The following CLASP1 variants were observed in gnomAD, a reference collection of about 807,000 sequenced individuals.
The protein encoded by CLASP1 is CLIP-associating protein 1.
CLASP1 carries 38 observed loss-of-function variants against 192.3 expected under a neutral mutation model. The observed-to-expected ratio is 0.20, with a 90% CI of 0.15 to 0.26. CLASP1 has a LOEUF of 0.26. Among genes scored for constraint, CLASP1 ranks in the 10% least tolerant of loss-of-function variants. CLASP1 has a pLI of 1.00. For missense variants in CLASP1, 1,433 were observed against 1,932.5 expected (o/e 0.74, Z 4.85); for synonymous variants, 691 against 712.8 (o/e 0.97, Z 0.49).
chr2:121,549,895 A>G (rs2057862483), intron 2 of CLASP1, among the ~76,000 whole-genome samples: 1 of 151,028 alleles, frequency 6.6e-6, no homozygotes, highest in Non-Finnish European at 1.5e-5. Context: ...AGTCCCAGCT[A>G]CTCAGGAGGC....
At chr2:121,411,032 A>G in intron 23 of CLASP1, 63 bp from the exon 25 acceptor site, 1 of 1,040,976 alleles carries the variant, frequency 9.6e-7, no homozygotes, top group Non-Finnish European at 1.4e-6. Context: ...ATTCCTTGCA[A>G]GGACTACTGC....
chr2:121,605,206 A>G (rs1017391256), intron 2 of CLASP1, among the ~76,000 whole-genome samples: 2 of 149,080 alleles, frequency 1.3e-5, no homozygotes, highest in Non-Finnish European at 3.0e-5. Context: ...CATTACACAC[A>G]GGTCACAGAA....
chr2:121,605,485 G>C (rs930508724), intron 2 of CLASP1, among the ~76,000 whole-genome samples: 5 of 152,186 alleles, frequency 3.3e-5, no homozygotes, highest in African/African-American at 1.2e-4. Context: ...TTCTGTCAAA[G>C]TGCTAAAGGA....
intron 34 of CLASP1, among the ~76,000 whole-genome samples, chr2:121,369,479 C>T (rs1166689122): frequency 6.6e-6 from 1 of 151,488 alleles, no homozygotes; most frequent in Admixed American, 6.6e-5. Context: ...AAAGGTAAGC[C>T]ATTGAACAGG....
chr2:121,422,199 G>A (rs965736617), intron 22 of CLASP1, among the ~76,000 whole-genome samples: 1 of 151,974 alleles, frequency 6.6e-6, no homozygotes, highest in African/African-American at 2.4e-5. Context: ...GGTCCAACCA[G>A]GACTCATAAA....
rs558918643 is a variant in CLASP1 at position 121,477,469 on chromosome 2, CAT to C, written c.713-7511_713-7510del. Among the ~76,000 whole-genome samples, 51 of 152,262 alleles carry C rather than the reference CAT, an allele frequency of 3.3e-4. No individual in the cohort carries two copies. The South Asian group carries it at 0.01, about 31-fold the overall frequency. ...TGTATATCCTTCTTTCCTGATAAAACATATACCTATTTTAAAATTAAGTCATA... is the reference window on the plus strand; with the variant it reads ...TGTATATCCTTCTTTCCTGATAAAACATACCTATTTTAAAATTAAGTCATA... On this transcript the variant is annotated intron_variant, in intron 8 of 39. Coordinates refer to ENST00000263710, the Ensembl canonical transcript of CLASP1.
In CLASP1 at chr2:121,542,228, C is replaced by T. The variant is rs1339726371; in HGVS notation, c.196-11903G>A. Reference sequence around the variant, plus strand: ...TACACAAAACGATGATGGATGCACACTTCTACATATGTGCTCTCATCCTCT... The same window carrying T: ...TACACAAAACGATGATGGATGCACATTTCTACATATGTGCTCTCATCCTCT... On this transcript the variant is annotated intron_variant, in intron 2 of 39. Transcript: ENST00000263710. Among the ~76,000 whole-genome samples, 4 of 152,212 alleles carry T rather than the reference C, an allele frequency of 2.6e-5. 1 individual carries two copies. The highest frequency in any genetic ancestry group is 1.3e-4 in the Admixed American group (2 of 15,282).
chr2:121,531,128 A>T (rs1217581999), intron 2 of CLASP1: 14 of 620,556 alleles, frequency 2.3e-5, no homozygotes, highest in Middle Eastern at 4.3e-4. Context: ...TCGCAAGTAA[A>T]GTTCTTTCAG....
At chr2:121,381,098 C>T (rs2071528734) in intron 33 of CLASP1, among the ~76,000 whole-genome samples, 1 of 152,152 alleles carries the variant, frequency 6.6e-6, no homozygotes, top group Non-Finnish European at 1.5e-5. Flanking sequence ...TTGCCCTAAC[C>T]TTGTGTATCT....
In CLASP1 at chr2:121,394,994, G is replaced by A. The variant is rs142374553; in HGVS notation, c.3123+2146C>T. ...ATATTATTTCTTCATGTATTCTCCC[G>A]ATAGCTTTGAACAAGCAAACTTCCT... On this transcript the variant is annotated intron_variant, in intron 30 of 39. Coordinates refer to ENST00000263710, the Ensembl canonical transcript of CLASP1. 7.4e-4 allele frequency among the ~76,000 whole-genome samples: 113 copies of A among 152,078 alleles called. No individual in the cohort carries two copies. The East Asian group carries it at 0.013, about 17-fold the overall frequency.
intron 16 of CLASP1, among the ~76,000 whole-genome samples, chr2:121,450,567 T>C (rs2085274165): frequency 6.6e-6 from 1 of 152,160 alleles, no homozygotes; most frequent in Non-Finnish European, 1.5e-5. Flanking sequence ...GTGACCAAGA[T>C]TTTTCATGGT....
chr2:121,528,600 AAGT>A, intron 4 of CLASP1, 74 bp downstream of exon 4: 1 of 1,081,260 alleles, frequency 9.2e-7, no homozygotes. Flanking sequence ...CCATTTGTGC[AAGT>A]ACACACACAC....
rs116840031 is a variant in CLASP1 at position 121,463,717 on chromosome 2, G to A, written c.866-1112C>T. Among the ~76,000 whole-genome samples the A allele has an allele frequency of 4.9e-3, 745 of 152,190 alleles. 8 individuals carry two copies. Among genetic ancestry groups the A allele is most frequent in the African/African-American group, 0.017 (722 of 41,524 alleles). On this transcript the variant is annotated intron_variant, in intron 9 of 39. Transcript: ENST00000263710. ...TATGGCATTAAACAACATGCAAAAA[G>A]GATAAGTGCAGGGCTGAAGGGGAAA...
At chr2:121,346,208 C>T (rs1434550593) in intron 39 of CLASP1, among the ~76,000 whole-genome samples, 1 of 152,120 alleles carries the variant, frequency 6.6e-6, no homozygotes, top group African/African-American at 2.4e-5. Context: ...GGATTTTAAA[C>T]TCCACAGAGA....
At chr2:121,407,591 T>G (rs774182050) in exon 25 of CLASP1, 2 of 1,614,000 alleles carry the variant, frequency 1.2e-6, no homozygotes, top group African/African-American at 2.7e-5. Context: ...CTGCCGCAGA[T>G]AATGGGGAAT....
chr2:121,574,322 C>T (rs534073038), intron 2 of CLASP1, among the ~76,000 whole-genome samples: 1 of 134,834 alleles, frequency 7.4e-6, no homozygotes, highest in Non-Finnish European at 1.5e-5. Flanking sequence ...AGCCAGACTC[C>T]ATCTCAAAAA....
intron 1 of CLASP1, among the ~76,000 whole-genome samples, chr2:121,625,423 T>C (rs577199889): frequency 4.0e-4 from 59 of 148,612 alleles, no homozygotes; most frequent in African/African-American, 1.5e-3. Flanking sequence ...ATTTTCTTTC[T>C]TTCATTTTTT....
At chr2:121,417,454 G>GAAA (rs386391068) in intron 23 of CLASP1, among the ~76,000 whole-genome samples, 7,913 of 141,396 alleles carry the variant, frequency 0.056, 714 homozygotes, top group African/African-American at 0.19. Flanking sequence ...AGTTCATTCA[G>GAAA]AAAAAAAAAA....
At chr2:121,632,870 T>G (rs2069988620) in intron 1 of CLASP1, among the ~76,000 whole-genome samples, 1 of 147,904 alleles carries the variant, frequency 6.8e-6, no homozygotes, top group African/African-American at 2.6e-5. Context: ...CACTCTAGCC[T>G]GGGCAGCAAG....
Sources: gnomAD v4.1 joint callset for allele counts (sites outside exome capture counted in the v4.1 genomes callset) on GRCh38, gnomAD v4.1.1 for gene constraint, MANE v1.5 for transcripts, NCBI Gene and HGNC (gene_info 2026-07-23, HGNC 2026-07-21) for gene names.